The following ATP8A2 variants were observed in gnomAD, a reference collection of about 807,000 sequenced individuals.
ATP8A2 encodes the protein phospholipid-transporting ATPase IB.
Under a neutral mutation model 165.6 loss-of-function variants are expected in ATP8A2, and 100 were observed. The observed-to-expected ratio is 0.60, with a 90% CI of 0.51 to 0.71. The LOEUF (loss-of-function observed/expected upper bound fraction) is 0.71. Among genes scored for constraint, ATP8A2 ranks in the 30% least tolerant of loss-of-function variants. ATP8A2 has a pLI of 0.00. For synonymous variants in ATP8A2, 543 were observed against 548.8 expected (o/e 0.99, Z 0.15); for missense variants, 1,227 against 1,479.5 (o/e 0.83, Z 2.80).
intron 25 of ATP8A2, among the ~76,000 whole-genome samples, chr13:25,742,359 A>C (rs2043932540): frequency 6.6e-6 from 1 of 151,914 alleles, no homozygotes; most frequent in African/African-American, 2.4e-5. Context: ...GGCATATGAG[A>C]TAATATACAT....
At chr13:25,494,408 A>G (rs1459431044) in intron 2 of ATP8A2, among the ~76,000 whole-genome samples, 1 of 152,170 alleles carries the variant, frequency 6.6e-6, no homozygotes, top group African/African-American at 2.4e-5. Flanking sequence ...CCTGCTGCCA[A>G]TATTGAAACA....
chr13:25,875,832 A>G (rs1368639471), intron 33 of ATP8A2, among the ~76,000 whole-genome samples: 1 of 152,246 alleles, frequency 6.6e-6, no homozygotes, highest in Admixed American at 6.5e-5. Flanking sequence ...AAGGAGAGGC[A>G]TAAATGAAAT....
chr13:25,510,752 C>G (rs940990869), intron 2 of ATP8A2, among the ~76,000 whole-genome samples: 2 of 152,070 alleles, frequency 1.3e-5, no homozygotes, highest in Non-Finnish European at 2.9e-5. Context: ...CAAACTGGGT[C>G]TTTAGTCTGA....
chr13:25,515,555 C>T (rs1452560185), intron 2 of ATP8A2, among the ~76,000 whole-genome samples: 4 of 152,208 alleles, frequency 2.6e-5, no homozygotes, highest in Non-Finnish European at 5.9e-5. Flanking sequence ...CTGGCGAAAG[C>T]AGAAAGAAGT....
At chr13:25,768,330 A>G (rs1048660247) in intron 25 of ATP8A2, among the ~76,000 whole-genome samples, 7 of 152,092 alleles carry the variant, frequency 4.6e-5, no homozygotes, top group Non-Finnish European at 7.4e-5. Flanking sequence ...AGGACTTAGG[A>G]AAGCTTGGCC....
chr13:25,527,693 C>T (rs2037885320), intron 2 of ATP8A2, among the ~76,000 whole-genome samples: 1 of 152,162 alleles, frequency 6.6e-6, no homozygotes, highest in Non-Finnish European at 1.5e-5. Flanking sequence ...CTCTCCACTT[C>T]TACCCTCTTA....
chr13:25,717,684 CAAA>C, intron 25 of ATP8A2, among the ~76,000 whole-genome samples: 1 of 152,220 alleles, frequency 6.6e-6, no homozygotes, highest in East Asian at 1.9e-4. Flanking sequence ...AAAAATAGAC[CAAA>C]ACCACTTTCT....
intron 33 of ATP8A2, among the ~76,000 whole-genome samples, chr13:25,929,325 G>A (rs1260709843): frequency 1.3e-5 from 2 of 152,096 alleles, no homozygotes; most frequent in East Asian, 3.9e-4. Flanking sequence ...TGACCATCCT[G>A]GAACGGTGAG....
intron 25 of ATP8A2, among the ~76,000 whole-genome samples, chr13:25,746,309 C>G (rs2044030765): frequency 6.6e-6 from 1 of 152,134 alleles, no homozygotes; most frequent in Non-Finnish European, 1.5e-5. Flanking sequence ...GGAATTTGCA[C>G]ACTGACATGA....
At chr13:25,971,030 G>A (rs893434382) in intron 35 of ATP8A2, among the ~76,000 whole-genome samples, 36 of 152,166 alleles carry the variant, frequency 2.4e-4, no homozygotes, top group African/African-American at 8.4e-4. Context: ...GTGCACGTGT[G>A]CGCGCACACA....
At chr13:25,873,111 ACT>A (rs1566224877) in intron 33 of ATP8A2, among the ~76,000 whole-genome samples, 1 of 152,050 alleles carries the variant, frequency 6.6e-6, no homozygotes, top group Non-Finnish European at 1.5e-5. Flanking sequence ...GAGGTAGGAA[ACT>A]CAGCCTCAGC....
intron 15 of ATP8A2, among the ~76,000 whole-genome samples, chr13:25,560,452 C>T (rs1437706678): frequency 1.3e-5 from 2 of 151,934 alleles, no homozygotes; most frequent in Non-Finnish European, 2.9e-5. Flanking sequence ...GTAATCCCAG[C>T]ACTTTGGGAG....
intron 25 of ATP8A2, among the ~76,000 whole-genome samples, chr13:25,720,277 C>T (rs2043350013): frequency 6.7e-6 from 1 of 148,790 alleles, no homozygotes; most frequent in Non-Finnish European, 1.5e-5. Flanking sequence ...ATGCCATTCT[C>T]CTGCCTCAGC....
chr13:25,467,617 C>A (rs1032957195), intron 1 of ATP8A2, among the ~76,000 whole-genome samples: 6 of 150,318 alleles, frequency 4.0e-5, no homozygotes, highest in Non-Finnish European at 7.4e-5. Context: ...GTGGCGCGAT[C>A]TCAGCTCACT....
rs964854316 is a variant in ATP8A2, at chr13:26,012,548, G to A, written c.3395G>A (p.Arg1132His). The A allele has an allele frequency of 1.9e-6, 3 of 1,540,448 alleles. No individual in the cohort carries two copies. The highest frequency in any genetic ancestry group is 2.5e-5 in the East Asian group (1 of 39,622). The change falls in exon 36 of 37, where the codon CGC becomes CAC. Residue 1132 changes from arginine to histidine, a missense_variant. Around this residue, in one of 5 missense-constraint regions of ATP8A2, gnomAD observed 260 missense variants for 245.1 expected, o/e 1.06. Transcript: ENST00000381655. ...SNGKRLNERD[R>H]LIKRLGRKTP... Reference sequence around the variant, plus strand: ...ATCCGCAGGCTGAACGAGCGCGACCGCCTGATCAAGAGGCTGGGCCGGAAG... The same window carrying A: ...ATCCGCAGGCTGAACGAGCGCGACCACCTGATCAAGAGGCTGGGCCGGAAG...
chr13:25,425,699 C>T (rs2034429653), intron 1 of ATP8A2, among the ~76,000 whole-genome samples: 1 of 152,078 alleles, frequency 6.6e-6, no homozygotes, highest in Non-Finnish European at 1.5e-5. Flanking sequence ...CTCAGTCTCC[C>T]AAGTAGCTGG....
intron 1 of ATP8A2, among the ~76,000 whole-genome samples, chr13:25,430,217 A>G (rs55833041): frequency 0.015 from 2,322 of 152,094 alleles, 61 homozygotes; most frequent in African/African-American, 0.053. Flanking sequence ...CCTCAGAAAA[A>G]GAGGCTGTGA....
chr13:25,888,068 A>ACAC (rs1953218189), intron 33 of ATP8A2, among the ~76,000 whole-genome samples: 1 of 105,582 alleles, frequency 9.5e-6, no homozygotes, highest in African/African-American at 3.4e-5. Context: ...AAGAACCCAG[A>ACAC]CCCCCCCCCC....
At chr13:25,563,847 C>A in intron 15 of ATP8A2, 109 bp from the exon 16 acceptor site, 10 of 659,900 alleles carry the variant, frequency 1.5e-5, no homozygotes, top group South Asian at 7.8e-5. Flanking sequence ...AATGTGAATC[C>A]CTATAGGACT....
Sources: allele counts gnomAD v4.1 joint callset (sites outside exome capture counted in the v4.1 genomes callset), GRCh38; gene constraint gnomAD v4.1.1; regional missense constraint gnomAD v4.1.1; transcripts MANE v1.5; gene names NCBI Gene and HGNC (gene_info 2026-07-23, HGNC 2026-07-21).